OPCML: variants seen among roughly 807,000 people sequenced by gnomAD.
OPCML encodes opioid-binding protein/cell adhesion molecule.
In OPCML, 13 loss-of-function variants were observed where a neutral mutation model predicts 37.8. That is an observed-to-expected ratio of 0.34 (90% CI 0.22 to 0.55). OPCML has a LOEUF of 0.55. Among genes scored for constraint, OPCML ranks in the 20% least tolerant of loss-of-function variants. OPCML has a pLI of 0.91. For synonymous variants in OPCML, 176 were observed against 168.8 expected, an observed-to-expected ratio of 1.04 and a Z score of -0.33; for missense variants, 341 against 435.6, an observed-to-expected ratio of 0.78 and a Z score of 1.93.
rs531126373 is a variant in OPCML at position 133,496,870 on chromosome 11, T to A, written c.61+35394A>T. Among the ~76,000 whole-genome samples, 2 of 152,344 alleles carry A rather than the reference T, an allele frequency of 1.3e-5. 1 individual carries two copies. The highest frequency in any genetic ancestry group is 4.1e-4 in the South Asian group (2 of 4,828). ...AACAGGGACAGTTTGACTTCCTCTT[T>A]ACCAATTTGGATGGCCTTTATTTCT... On this transcript the variant is annotated intron_variant, in intron 1 of 7. Transcript: ENST00000524381.
chr11:133,118,025 G>T, intron 1 of OPCML: 1 of 784,184 alleles, frequency 1.3e-6, no homozygotes, highest in Non-Finnish European at 1.5e-6. Context: ...TGAGTCTACA[G>T]GGGTGTGAAG....
chr11:133,154,242 A>G (rs2137198757), intron 1 of OPCML, among the ~76,000 whole-genome samples: 1 of 152,016 alleles, frequency 6.6e-6, no homozygotes, highest in African/African-American at 2.4e-5. Flanking sequence ...AAAATTGAGG[A>G]AGTTGCCATG....
rs568639619 is a variant in OPCML, at chr11:133,055,096, C to T, written c.62-112086G>A. On this transcript the variant is annotated intron_variant, in intron 1 of 7. Transcript: ENST00000524381. ...AAGTGGTGAGACTCCATGAGGGAGCCGCCTCTACCGTACAATGCTGCCTCC... is the reference window on the plus strand; with the variant it reads ...AAGTGGTGAGACTCCATGAGGGAGCTGCCTCTACCGTACAATGCTGCCTCC... Among the ~76,000 whole-genome samples, 445 of 150,570 alleles carry T rather than the reference C, an allele frequency of 3.0e-3. 1 individual carries two copies. The highest frequency in any genetic ancestry group is 8.3e-3 in the African/African-American group (337 of 40,734).
intron 2 of OPCML, among the ~76,000 whole-genome samples, chr11:132,677,927 C>T (rs1381273700): frequency 6.6e-6 from 1 of 152,096 alleles, no homozygotes; most frequent in African/African-American, 2.4e-5. Context: ...TTAAAAAATT[C>T]TGCTTTATAA....
At chr11:132,738,165 G>A (rs140425900) in intron 2 of OPCML, among the ~76,000 whole-genome samples, 40 of 152,328 alleles carry the variant, frequency 2.6e-4, no homozygotes, top group Non-Finnish European at 4.6e-4. Context: ...GGAGACATGG[G>A]CTGAGAAGCT....
intron 1 of OPCML, among the ~76,000 whole-genome samples, chr11:133,017,608 C>T (rs1947358269): frequency 1.3e-5 from 2 of 152,106 alleles, no homozygotes; most frequent in South Asian, 2.1e-4. Context: ...AGGCTGGTCT[C>T]GAACTCCCGA....
intron 1 of OPCML, among the ~76,000 whole-genome samples, chr11:132,968,056 T>G (rs1946253564): frequency 6.6e-6 from 1 of 152,232 alleles, no homozygotes. Flanking sequence ...GTGTTGTACA[T>G]TCCGTGGATT....
At chr11:132,593,413 C>A (rs762019180) in intron 3 of OPCML, among the ~76,000 whole-genome samples, 9 of 152,158 alleles carry the variant, frequency 5.9e-5, no homozygotes, top group Non-Finnish European at 1.2e-4. Context: ...TTCCTGTAGA[C>A]CATGGCAAGG....
intron 2 of OPCML, among the ~76,000 whole-genome samples, chr11:132,802,868 C>T (rs976585132): frequency 6.6e-6 from 1 of 152,100 alleles, no homozygotes. Flanking sequence ...GTCTTTGAAG[C>T]AATTTATTGT....
At position 132,419,997 on chromosome 11, in the gene OPCML, C is replaced by A; in HGVS notation, c.*196G>T. 3 of 322,466 alleles carry A rather than the reference C, an allele frequency of 9.3e-6. 1 individual carries two copies. Among genetic ancestry groups the A allele is most frequent in the Non-Finnish European group, 1.8e-5 (3 of 163,832 alleles). The allele number at this position is 322,466 out of a possible 1,614,324, so 20.0% of individuals were successfully genotyped here. A position where few individuals can be genotyped will look rare whatever the true frequency, so the allele number is the denominator to read the frequency against. ...TTATCCTACACGTGGTAGAACCCTG[C>A]CCACCCCGCCCCCAACCCCACTCAT... On this transcript the variant is annotated 3_prime_UTR_variant, in exon 8 of 8. Coordinates refer to ENST00000524381, the MANE Select transcript of OPCML (RefSeq NM_001012393.5).
chr11:132,500,099 G>A (rs1217347374), intron 4 of OPCML, among the ~76,000 whole-genome samples: 1 of 152,148 alleles, frequency 6.6e-6, no homozygotes. Flanking sequence ...AAGTCTAACA[G>A]TGTGAAAACT....
chr11:133,383,191 C>A (rs1412533980), intron 1 of OPCML, among the ~76,000 whole-genome samples: 2 of 152,108 alleles, frequency 1.3e-5, no homozygotes, highest in African/African-American at 4.8e-5. Flanking sequence ...GGATCCATAC[C>A]TCCTCTCCAG....
Position 133,161,985 on chromosome 11 carries a change from C to CTTTTTTTTTTTTTT in OPCML, c.62-218989_62-218976dup, listed in dbSNP as rs553617547. Among the ~76,000 whole-genome samples the CTTTTTTTTTTTTTT allele has an allele frequency of 2.1e-4, 18 of 85,484 alleles. 2 individuals carry two copies. Among genetic ancestry groups the CTTTTTTTTTTTTTT allele is most frequent in the Non-Finnish European group, 3.5e-4 (16 of 45,872 alleles). 56.1% of individuals were successfully genotyped at this position (85,484 alleles called of 152,430 possible). A position where few individuals can be genotyped will look rare whatever the true frequency, so the allele number is the denominator to read the frequency against. Reference sequence around the variant, plus strand: ...AACAGGTAAGAGAGGCAGTCTCTGTCTTTTTTTTTTTTTTTTTTTTTTTTT... The same window carrying CTTTTTTTTTTTTTT: ...AACAGGTAAGAGAGGCAGTCTCTGTCTTTTTTTTTTTTTTTTTTTTTTTTTTTTTTTTTTTTTTT... On this transcript the variant is annotated intron_variant, in intron 1 of 7. Coordinates refer to ENST00000524381, the MANE Select transcript of OPCML (RefSeq NM_001012393.5).
intron 1 of OPCML, among the ~76,000 whole-genome samples, chr11:133,055,663 C>T (rs1169205295): frequency 4.9e-5 from 7 of 143,792 alleles, no homozygotes; most frequent in East Asian, 4.3e-4. Context: ...CCGCCTCTAC[C>T]ATACAATGCT....
intron 1 of OPCML, among the ~76,000 whole-genome samples, chr11:133,292,608 C>A (rs1036402959): frequency 6.1e-4 from 93 of 152,286 alleles, no homozygotes; most frequent in African/African-American, 2.1e-3. Flanking sequence ...CAGGTCCGTA[C>A]GCTGGGGTTT....
At chr11:133,288,646 G>A (rs61912376) in intron 1 of OPCML, among the ~76,000 whole-genome samples, 2 of 152,008 alleles carry the variant, frequency 1.3e-5, no homozygotes, top group East Asian at 3.9e-4. Flanking sequence ...GACACCCAGG[G>A]TCTACCTTGG....
At chr11:133,039,035 T>C (rs1010004563) in intron 1 of OPCML, among the ~76,000 whole-genome samples, 4 of 152,298 alleles carry the variant, frequency 2.6e-5, no homozygotes, top group African/African-American at 9.6e-5. Context: ...AATGCCCCCA[T>C]TCCCACTTCC....
At chr11:133,418,348 T>C (rs772482909) in intron 1 of OPCML, 33 of 985,238 alleles carry the variant, frequency 3.3e-5, no homozygotes, top group Non-Finnish European at 4.0e-5. Context: ...CTGCATTCAA[T>C]AGGGGTAAAA....
intron 1 of OPCML, among the ~76,000 whole-genome samples, chr11:133,042,570 C>G (rs1947924172): frequency 6.6e-6 from 1 of 152,156 alleles, no homozygotes; most frequent in South Asian, 2.1e-4. Context: ...ACTCTAATCC[C>G]AAACACAGTT....
Sources: gnomAD v4.1 joint callset for allele counts (sites outside exome capture counted in the v4.1 genomes callset) on GRCh38, gnomAD v4.1.1 for gene constraint, MANE v1.5 for transcripts, NCBI Gene and HGNC (gene_info 2026-07-23, HGNC 2026-07-21) for gene names.